Variants in COL4A6 observed in about 807,000 individuals in gnomAD.
The protein encoded by COL4A6 is collagen alpha-6(IV) chain.
In COL4A6, 59 loss-of-function variants were observed where a neutral mutation model predicts 126.7. The ratio of observed to expected loss-of-function variants is 0.47; its 90% CI spans 0.38 to 0.58. The LOEUF (loss-of-function observed/expected upper bound fraction) is 0.58. Among genes scored for constraint, COL4A6 ranks in the 20% least tolerant of loss-of-function variants. The pLI is 0.00. For missense variants in COL4A6, 1,285 were observed against 1,337.3 expected (o/e 0.96, Z 0.61); for synonymous variants, 547 against 496.6 (o/e 1.10, Z -1.35).
chrX:108,206,519 T>G lies in COL4A6; in HGVS notation c.608A>C (p.Gln203Pro), dbSNP rs190006471. ...AVGPAGPPGL[Q>P]GPPGPPGPLG... is the part of the protein sequence containing the mutation. ...AAACTAGGCTTAAATTGATCTTACTTGTAATCCTGGTGGTCCTGCAGGTCC... is the reference window on the plus strand; with the variant it reads ...AAACTAGGCTTAAATTGATCTTACTGGTAATCCTGGTGGTCCTGCAGGTCC... The change falls in exon 9 of 45, where the codon CAA (glutamine) becomes CCA (proline). Residue 203 changes from glutamine to proline, a missense_variant and splice_region_variant. By Grantham distance (76) the Gln-to-Pro change is moderately conservative. Coordinates refer to ENST00000334504, the MANE Select transcript of COL4A6 (RefSeq NM_033641.4). The G allele has an allele frequency of 8.3e-7, 1 of 1,207,383 alleles. No homozygotes were observed. The highest frequency in any genetic ancestry group is 1.1e-6 in the Non-Finnish European group (1 of 893,151).
intron 32 of COL4A6, 43 bp downstream of exon 32, chrX:108,172,426 G>T: frequency 1.2e-6 from 1 of 860,358 alleles, no homozygotes. Flanking sequence ...AATCTACCTT[G>T]CTCTAGAAGA....
chrX:108,209,827 A>G (rs2035649496), intron 8 of COL4A6, 142 bp downstream of exon 8: 1 of 561,712 alleles, frequency 1.8e-6, no homozygotes, highest in East Asian at 3.6e-5. Flanking sequence ...GAAAATGTCA[A>G]TACTGTGACC....
chrX:108,282,885 A>G (rs1336654609), intron 3 of COL4A6, among the ~76,000 whole-genome samples: 1 of 107,739 alleles, frequency 9.3e-6, no homozygotes, highest in East Asian at 3.0e-4. Context: ...TTCTCAGTAA[A>G]CTATCGCAAG....
chrX:108,220,612 T>C (rs1342231296), intron 4 of COL4A6, among the ~76,000 whole-genome samples: 5 of 112,487 alleles, frequency 4.4e-5, no homozygotes, highest in African/African-American at 1.6e-4. Context: ...CTTCCCTGTA[T>C]CCTTGCTTGG....
intron 3 of COL4A6, among the ~76,000 whole-genome samples, chrX:108,258,106 T>A (rs2147706617): frequency 9.0e-6 from 1 of 111,602 alleles, no homozygotes; most frequent in South Asian, 3.8e-4. Context: ...AAAACACCTC[T>A]GGGAGAAATA....
At position 108,196,593 on chromosome X, in the gene COL4A6, GA is replaced by G. The variant is rs770012942; in HGVS notation, c.835-15del. 2 of 1,162,709 alleles carry G rather than the reference GA, an allele frequency of 1.7e-6. No homozygotes were observed. Among genetic ancestry groups the G allele is most frequent in the African/African-American group, 3.6e-5 (2 of 55,802 alleles). Reference sequence around the variant, plus strand: ...AGTTCCAAGGCCCTAAATGAAAAAAGAAACCACAAGTTATAACGTTTGTTTT... The same window carrying G: ...AGTTCCAAGGCCCTAAATGAAAAAAGAACCACAAGTTATAACGTTTGTTTT... On this transcript the variant is annotated splice_polypyrimidine_tract_variant and intron_variant, in intron 13 of 44. Coordinates refer to ENST00000334504, the MANE Select transcript of COL4A6 (RefSeq NM_033641.4).
intron 2 of COL4A6, among the ~76,000 whole-genome samples, chrX:108,430,587 A>G (rs1207188699): frequency 3.6e-5 from 4 of 111,870 alleles, no homozygotes; most frequent in Non-Finnish European, 7.5e-5. Flanking sequence ...TCAGGAGGCT[A>G]CTGATGTATG....
chrX:108,232,202 TG>T (rs1451375936), intron 3 of COL4A6, among the ~76,000 whole-genome samples: 2 of 112,064 alleles, frequency 1.8e-5, no homozygotes, highest in Non-Finnish European at 3.8e-5. Flanking sequence ...AATAAATTCA[TG>T]GAAGAATCTT....
intron 2 of COL4A6, among the ~76,000 whole-genome samples, chrX:108,435,318 GAT>G (rs961476906): frequency 1.8e-5 from 2 of 111,718 alleles, no homozygotes; most frequent in Admixed American, 1.9e-4. Flanking sequence ...TTTTTTCCTA[GAT>G]ATATTGGCTG....
intron 2 of COL4A6, among the ~76,000 whole-genome samples, chrX:108,414,206 A>G (rs2041387787): frequency 8.9e-6 from 1 of 112,220 alleles, no homozygotes; most frequent in Non-Finnish European, 1.9e-5. Context: ...GCAGTGATCT[A>G]ATCTCTCAGA....
chrX:108,382,956 C>T (rs910004157), intron 2 of COL4A6, among the ~76,000 whole-genome samples: 8 of 38,998 alleles, frequency 2.1e-4, no homozygotes, highest in Admixed American at 7.5e-4. Flanking sequence ...TCCATTCCCC[C>T]GCCAAAAATA....
chrX:108,435,876 A>G (rs2064256618), intron 2 of COL4A6, among the ~76,000 whole-genome samples: 1 of 111,965 alleles, frequency 8.9e-6, no homozygotes, highest in South Asian at 3.7e-4. Context: ...ATTTTCGTTA[A>G]TATTAGTCAA....
intron 3 of COL4A6, chrX:108,268,642 G>C (rs1467739964): frequency 8.5e-6 from 1 of 117,982 alleles, no homozygotes; most frequent in African/African-American, 3.2e-5. Context: ...ATGATAGATT[G>C]TTCCAAAGCA....
intron 8 of COL4A6, 74 bp from the exon 9 acceptor site, chrX:108,206,654 C>A: frequency 1.2e-6 from 1 of 861,959 alleles, no homozygotes; most frequent in Non-Finnish European, 1.7e-6. Flanking sequence ...TGTATGTCCA[C>A]GAGAACTGTA....
At chrX:108,309,222 AT>A (rs887608249) in intron 3 of COL4A6, among the ~76,000 whole-genome samples, 1 of 108,484 alleles carries the variant, frequency 9.2e-6, no homozygotes, top group Non-Finnish European at 1.9e-5. Context: ...TTATTGTGAA[AT>A]TTTTTTTCTA....
chrX:108,249,299 G>C (rs769696626), intron 3 of COL4A6, among the ~76,000 whole-genome samples: 1 of 109,964 alleles, frequency 9.1e-6, no homozygotes, highest in Non-Finnish European at 1.9e-5. Flanking sequence ...AAACTGCTTG[G>C]GATACAACAG....
intron 43 of COL4A6, 78 bp downstream of exon 43, chrX:108,160,385 G>A (rs1461391582): frequency 3.0e-6 from 3 of 985,883 alleles, no homozygotes; most frequent in East Asian, 6.2e-5. Context: ...CCTAGAAAGG[G>A]CTGGGAGAAG....
At chrX:108,383,862 T>C in intron 2 of COL4A6, 1 of 491,010 alleles carries the variant, frequency 2.0e-6, no homozygotes, top group Non-Finnish European at 3.6e-6. Context: ...TGCATGATAT[T>C]GATGTGGATC....
At chrX:108,321,570 C>T (rs958443707) in intron 2 of COL4A6, among the ~76,000 whole-genome samples, 5 of 110,844 alleles carry the variant, frequency 4.5e-5, no homozygotes, top group African/African-American at 1.3e-4. Context: ...ACTTTTGAAA[C>T]GAATTATTTT....
Sources: gnomAD v4.1 joint callset for allele counts (sites outside exome capture counted in the v4.1 genomes callset) on GRCh38, gnomAD v4.1.1 for gene constraint, MANE v1.5 for transcripts, NCBI Gene and HGNC (gene_info 2026-07-23, HGNC 2026-07-21) for gene names.